Variants in HS6ST3 observed in about 807,000 individuals in gnomAD.
HS6ST3 encodes heparan sulfate 6-O-sulfotransferase 3, also known as heparan-sulfate 6-O-sulfotransferase 3.
In HS6ST3, 12 loss-of-function variants were observed where a neutral mutation model predicts 36.7. The observed-to-expected ratio is 0.33, with a 90% CI of 0.21 to 0.53. HS6ST3 has a LOEUF of 0.53. HS6ST3 is among the 20% of genes least tolerant of loss of function. The pLI is 0.95. For synonymous variants in HS6ST3, 240 were observed against 257.5 expected, an observed-to-expected ratio of 0.93 and a Z score of 0.65; for missense variants, 584 against 640.9, an observed-to-expected ratio of 0.91 and a Z score of 0.96.
chr13:96,718,299 T>C (rs1875754484), intron 1 of HS6ST3, among the ~76,000 whole-genome samples: 1 of 152,208 alleles, frequency 6.6e-6, no homozygotes, highest in Non-Finnish European at 1.5e-5. Flanking sequence ...AATCTATAAA[T>C]AAATGCCAGG....
intron 1 of HS6ST3, among the ~76,000 whole-genome samples, chr13:96,551,782 C>T (rs1170879425): frequency 1.3e-5 from 2 of 152,106 alleles, no homozygotes; most frequent in Non-Finnish European, 1.5e-5. Context: ...ACATCGCCAC[C>T]CGCCGGAGCA....
chr13:96,770,729 C>G (rs1397599934), intron 1 of HS6ST3, among the ~76,000 whole-genome samples: 1 of 152,206 alleles, frequency 6.6e-6, no homozygotes, highest in Non-Finnish European at 1.5e-5. Context: ...ACAGTGCTCA[C>G]TTTCATCAAG....
intron 1 of HS6ST3, among the ~76,000 whole-genome samples, chr13:96,352,969 A>G (rs553512918): frequency 2.2e-4 from 34 of 151,470 alleles, no homozygotes; most frequent in African/African-American, 7.7e-4. Context: ...ACTTGAACCC[A>G]GGCTGTGTGG....
rs999366817 is a variant in HS6ST3 at position 96,758,386 on chromosome 13, A to C, written c.708-74104A>C. 1.5e-4 allele frequency among the ~76,000 whole-genome samples: 23 copies of C among 151,946 alleles called. No homozygotes were observed. The East Asian group carries it at 4.1e-3, about 27-fold the overall frequency. ...AAAGAACCAAATTTTAGCTTACTTA[A>C]TTCCATCTGTTGATCTTGTTTCTAT... is the stretch of plus-strand genomic sequence containing the variant. On this transcript the variant is annotated intron_variant, in intron 1 of 1. Transcript: ENST00000376705.
At chr13:96,304,152 A>T (rs560269405) in intron 1 of HS6ST3, among the ~76,000 whole-genome samples, 8 of 151,940 alleles carry the variant, frequency 5.3e-5, no homozygotes, top group African/African-American at 1.7e-4. Context: ...CAAAAAAAAA[A>T]AAAATGTGAT....
intron 1 of HS6ST3, among the ~76,000 whole-genome samples, chr13:96,465,841 C>G (rs2055810865): frequency 3.3e-5 from 5 of 152,082 alleles, no homozygotes; most frequent in Admixed American, 2.6e-4. Flanking sequence ...ACAACACTCT[C>G]TATGAGCCAT....
chr13:96,106,761 G>T (rs2053843570), intron 1 of HS6ST3, among the ~76,000 whole-genome samples: 1 of 152,174 alleles, frequency 6.6e-6, no homozygotes, highest in South Asian at 2.1e-4. Flanking sequence ...TCTCTATGAA[G>T]TACAAAGCAA....
At chr13:96,720,525 C>T (rs1234047473) in intron 1 of HS6ST3, among the ~76,000 whole-genome samples, 1 of 152,140 alleles carries the variant, frequency 6.6e-6, no homozygotes, top group Non-Finnish European at 1.5e-5. Flanking sequence ...CTTTCAGTGA[C>T]ATGCTTGTGG....
chr13:96,381,203 G>A (rs373585999), intron 1 of HS6ST3, among the ~76,000 whole-genome samples: 40 of 152,226 alleles, frequency 2.6e-4, no homozygotes, highest in African/African-American at 9.4e-4. Context: ...CGCTCAGTGG[G>A]CACTGCTATT....
At chr13:96,444,323 T>A (rs1420602031) in intron 1 of HS6ST3, among the ~76,000 whole-genome samples, 1 of 152,166 alleles carries the variant, frequency 6.6e-6, no homozygotes, top group Non-Finnish European at 1.5e-5. Context: ...GGAGTAATAG[T>A]CTATTTCACA....
intron 1 of HS6ST3, among the ~76,000 whole-genome samples, chr13:96,500,446 G>A (rs995210610): frequency 6.6e-6 from 1 of 152,154 alleles, no homozygotes; most frequent in Non-Finnish European, 1.5e-5. Flanking sequence ...GTATATACCT[G>A]TGAGCAGAAT....
intron 1 of HS6ST3, among the ~76,000 whole-genome samples, chr13:96,618,272 A>T (rs932827634): frequency 4.6e-5 from 7 of 151,466 alleles, no homozygotes; most frequent in African/African-American, 7.3e-5. Context: ...ATAATTTTAA[A>T]TTTTTTTTTG....
intron 1 of HS6ST3, among the ~76,000 whole-genome samples, chr13:96,242,367 G>A (rs914757085): frequency 6.6e-6 from 1 of 152,010 alleles, no homozygotes; most frequent in Non-Finnish European, 1.5e-5. Flanking sequence ...TGGGACTACA[G>A]GTGCACTCCT....
intron 1 of HS6ST3, among the ~76,000 whole-genome samples, chr13:96,392,764 G>A (rs528909801): frequency 6.6e-6 from 1 of 152,336 alleles, no homozygotes; most frequent in African/African-American, 2.4e-5. Context: ...AAGGCTGGAA[G>A]TATAGGAGGA....
intron 1 of HS6ST3, among the ~76,000 whole-genome samples, chr13:96,164,190 A>T (rs972434208): frequency 1.8e-4 from 27 of 152,166 alleles, no homozygotes; most frequent in African/African-American, 6.5e-4. Context: ...TGTCACATAC[A>T]TGCCAACTGT....
chr13:96,545,585 A>G (rs2056194841), intron 1 of HS6ST3, among the ~76,000 whole-genome samples: 1 of 152,212 alleles, frequency 6.6e-6, no homozygotes, highest in Non-Finnish European at 1.5e-5. Flanking sequence ...TGTTTCTCTC[A>G]TAACTTCAGA....
intron 1 of HS6ST3, among the ~76,000 whole-genome samples, chr13:96,690,857 A>G (rs1157015875): frequency 1.3e-5 from 2 of 152,062 alleles, no homozygotes; most frequent in African/African-American, 2.4e-5. Flanking sequence ...TCACTGCTCA[A>G]CTATGATTGT....
intron 1 of HS6ST3, among the ~76,000 whole-genome samples, chr13:96,197,491 T>C (rs1950781730): frequency 6.6e-6 from 1 of 152,126 alleles, no homozygotes; most frequent in Admixed American, 6.5e-5. Context: ...TCTCATGTCA[T>C]CATATTTCAA....
intron 1 of HS6ST3, among the ~76,000 whole-genome samples, chr13:96,276,031 C>T (rs1204054764): frequency 6.6e-6 from 1 of 152,062 alleles, no homozygotes; most frequent in African/African-American, 2.4e-5. Context: ...CCCATCATGC[C>T]TTGCCTCTCC....
Sources: allele counts gnomAD v4.1 joint callset (sites outside exome capture counted in the v4.1 genomes callset), GRCh38; gene constraint gnomAD v4.1.1; transcripts MANE v1.5; gene names NCBI Gene and HGNC (gene_info 2026-07-23, HGNC 2026-07-21).